The following CDH13 variants were observed in gnomAD, a reference collection of about 807,000 sequenced individuals.
CDH13 encodes the protein cadherin-13.
A neutral mutation model predicts 63.8 loss-of-function variants in CDH13; 24 were observed. The ratio of observed to expected loss-of-function variants is 0.38; its 90% CI spans 0.27 to 0.53. The LOEUF is 0.53. Ranked by LOEUF, CDH13 falls within the 20% of genes least tolerant of loss-of-function variation. CDH13 has a pLI of 0.85. For synonymous variants in CDH13, 503 were observed against 355.3 expected, an observed-to-expected ratio of 1.42 and a Z score of -4.67; for missense variants, 1,049 against 903.1, an observed-to-expected ratio of 1.16 and a Z score of -2.07.
At chr16:83,773,211 A>G (rs924340761) in intron 11 of CDH13, among the ~76,000 whole-genome samples, 19 of 152,228 alleles carry the variant, frequency 1.2e-4, no homozygotes, top group African/African-American at 4.3e-4. Context: ...TGGAAGATTT[A>G]CATCTCACAG....
At chr16:83,669,348 C>G (rs1914296576) in intron 8 of CDH13, among the ~76,000 whole-genome samples, 1 of 152,162 alleles carries the variant, frequency 6.6e-6, no homozygotes, top group South Asian at 2.1e-4. Context: ...CTGGGAGATT[C>G]TAATGTGCAG....
intron 1 of CDH13, among the ~76,000 whole-genome samples, chr16:82,710,866 A>G (rs931694017): frequency 2.0e-5 from 3 of 151,374 alleles, no homozygotes; most frequent in African/African-American, 7.3e-5. Flanking sequence ...TTTCAGAATC[A>G]AACAGCCCAT....
chr16:82,871,557 T>C (rs966799870), intron 2 of CDH13, among the ~76,000 whole-genome samples: 4 of 152,202 alleles, frequency 2.6e-5, no homozygotes, highest in African/African-American at 9.6e-5. Flanking sequence ...AGCTCTAACT[T>C]TGACTTGCAT....
chr16:83,220,087 C>T (rs900645784), intron 5 of CDH13, among the ~76,000 whole-genome samples: 3 of 152,216 alleles, frequency 2.0e-5, no homozygotes, highest in Admixed American at 6.5e-5. Context: ...CTTGGCAGCG[C>T]ACTCTTCAAT....
At chr16:83,544,676 C>G (rs911463228) in intron 7 of CDH13, among the ~76,000 whole-genome samples, 6 of 152,206 alleles carry the variant, frequency 3.9e-5, no homozygotes, top group Admixed American at 1.3e-4. Context: ...ATGCATATCA[C>G]TTTCATACTA....
At chr16:82,701,848 C>T (rs1238797920) in intron 1 of CDH13, among the ~76,000 whole-genome samples, 1 of 152,150 alleles carries the variant, frequency 6.6e-6, no homozygotes, top group East Asian at 1.9e-4. Context: ...TTAGCCAGGA[C>T]TTAGTCACCT....
intron 8 of CDH13, among the ~76,000 whole-genome samples, chr16:83,653,135 C>T (rs1020996401): frequency 3.9e-5 from 6 of 151,984 alleles, no homozygotes; most frequent in Non-Finnish European, 8.8e-5. Context: ...TAGTGGTTGC[C>T]AGGGGCCGGG....
chr16:83,701,855 C>T (rs1481837990), intron 10 of CDH13, among the ~76,000 whole-genome samples: 1 of 152,204 alleles, frequency 6.6e-6, no homozygotes, highest in Admixed American at 6.5e-5. Flanking sequence ...ATAACAGCTG[C>T]CTGGCTAATG....
intron 5 of CDH13, among the ~76,000 whole-genome samples, chr16:83,302,791 G>A (rs780870785): frequency 2.0e-5 from 3 of 152,206 alleles, no homozygotes; most frequent in Non-Finnish European, 4.4e-5. Context: ...ATAAGAGTGG[G>A]AATGTCAGAG....
rs191452001 is a variant in CDH13, at chr16:82,917,503, T to A, written c.157+59030T>A. ...GAAAGGCAAGAGAGGCAAGAAGGAG[T>A]GGAAATGAGGGGGATTCAGTGAGAC... On this transcript the variant is annotated intron_variant, in intron 2 of 13. Transcript: ENST00000567109. Among the ~76,000 whole-genome samples the A allele has an allele frequency of 2.0e-5, 3 of 150,078 alleles. No homozygotes were observed. In the East Asian group the frequency reaches 6.0e-4, roughly 30 times the overall value.
rs145481587 is a variant in CDH13 at position 83,447,275 on chromosome 16, C to T, written c.782-39202C>T. 2.6e-3 allele frequency among the ~76,000 whole-genome samples: 397 copies of T among 151,336 alleles called. 1 individual carries two copies. The highest frequency in any genetic ancestry group is 9.4e-3 in the African/African-American group (387 of 41,252). ...ACTAAAAATACAAAAATTAGCCGGG[C>T]GTGGTGGTGGGTGCTTCTAATCCCA... is the stretch of plus-strand genomic sequence containing the variant. On this transcript the variant is annotated intron_variant, in intron 6 of 13. Transcript: ENST00000567109.
At chr16:83,631,033 G>T (rs929719176) in intron 8 of CDH13, among the ~76,000 whole-genome samples, 9 of 152,186 alleles carry the variant, frequency 5.9e-5, no homozygotes, top group Non-Finnish European at 1.3e-4. Flanking sequence ...GCATCCCGGA[G>T]ATACATCTCT....
chr16:82,735,591 A>T (rs2033632402), intron 1 of CDH13, among the ~76,000 whole-genome samples: 8 of 152,208 alleles, frequency 5.3e-5, no homozygotes, highest in Admixed American at 5.2e-4. Flanking sequence ...GAATAAGCTT[A>T]TAGATTTTAG....
At chr16:83,314,778 T>G (rs971122335) in intron 5 of CDH13, among the ~76,000 whole-genome samples, 1 of 152,230 alleles carries the variant, frequency 6.6e-6, no homozygotes, top group South Asian at 2.1e-4. Context: ...TGACTTTACA[T>G]TCCAAATTCC....
intron 1 of CDH13, among the ~76,000 whole-genome samples, chr16:82,840,093 G>C (rs74616840): frequency 6.6e-6 from 1 of 152,214 alleles, no homozygotes; most frequent in East Asian, 1.9e-4. Context: ...ACAAAGGTTT[G>C]CTTGATGAGG....
At chr16:83,042,510 C>T (rs185210217) in intron 3 of CDH13, among the ~76,000 whole-genome samples, 326 of 152,050 alleles carry the variant, frequency 2.1e-3, no homozygotes, top group Non-Finnish European at 3.6e-3. Context: ...CATTATGGTG[C>T]GTTGTATACT....
chr16:83,353,344 T>G (rs2090994556), intron 6 of CDH13, among the ~76,000 whole-genome samples: 1 of 152,218 alleles, frequency 6.6e-6, no homozygotes. Flanking sequence ...CATTGGGATT[T>G]CCCTCCTCCA....
At chr16:83,258,468 C>T (rs1010736824) in intron 5 of CDH13, among the ~76,000 whole-genome samples, 2 of 152,094 alleles carry the variant, frequency 1.3e-5, no homozygotes, top group South Asian at 2.1e-4. Context: ...CAGTAAAACC[C>T]GAGTGTTGCA....
At chr16:82,662,322 A>C (rs1020664102) in intron 1 of CDH13, among the ~76,000 whole-genome samples, 1 of 150,058 alleles carries the variant, frequency 6.7e-6, no homozygotes, top group Non-Finnish European at 1.5e-5. Context: ...AGTTACCTTG[A>C]GGAGGCGGGG....
Sources: gnomAD v4.1 joint callset for allele counts (sites outside exome capture counted in the v4.1 genomes callset) on GRCh38, gnomAD v4.1.1 for gene constraint, MANE v1.5 for transcripts, NCBI Gene and HGNC (gene_info 2026-07-23, HGNC 2026-07-21) for gene names.